The following AK8 variants were observed in gnomAD, a reference collection of about 807,000 sequenced individuals.
AK8 encodes the protein adenylate kinase 8.
A neutral mutation model predicts 54.6 loss-of-function variants in AK8; 44 were observed. That is an observed-to-expected ratio of 0.81 (90% confidence interval 0.63 to 1.04). AK8 has a LOEUF of 1.04. Among genes scored for constraint, AK8 ranks in the 50% least tolerant of loss-of-function variants. The pLI is 0.00. For synonymous variants in AK8, 239 were observed against 245.6 expected (o/e 0.97, Z 0.25); for missense variants, 555 against 613.6 (o/e 0.90, Z 1.01).
intron 5 of AK8, among the ~76,000 whole-genome samples, chr9:132,835,794 C>T (rs1035555894): frequency 2.6e-5 from 4 of 152,118 alleles, no homozygotes; most frequent in Non-Finnish European, 4.4e-5. Flanking sequence ...TCTAGACCAG[C>T]CTGGACAACA....
At position 132,812,864 on chromosome 9, in the gene AK8, C is replaced by A. The variant is rs199609649; in HGVS notation, c.979+1774G>T. On this transcript the variant is annotated intron_variant, in intron 10 of 12. Transcript: ENST00000298545. Reference sequence around the variant, plus strand: ...CCACCGCAGACACCCAGGACCAGACCCACTCACTGCCCTGAGCCTACACAG... The same window carrying A: ...CCACCGCAGACACCCAGGACCAGACACACTCACTGCCCTGAGCCTACACAG... Among the ~76,000 whole-genome samples, 6 of 151,114 alleles carry A rather than the reference C, an allele frequency of 4.0e-5. No homozygotes were observed. The East Asian group carries it at 1.2e-3, about 30-fold the overall frequency.
chr9:132,771,603 G>A (rs1285650219), intron 11 of AK8, among the ~76,000 whole-genome samples: 2 of 152,202 alleles, frequency 1.3e-5, no homozygotes, highest in Non-Finnish European at 2.9e-5. Context: ...ATGAAGGTAA[G>A]CTGGAGAGTA....
intron 5 of AK8, among the ~76,000 whole-genome samples, chr9:132,836,867 G>A (rs995995712): frequency 1.3e-5 from 2 of 152,214 alleles, no homozygotes; most frequent in Non-Finnish European, 2.9e-5. Context: ...GATGATAATA[G>A]TACCTACACT....
intron 10 of AK8, among the ~76,000 whole-genome samples, chr9:132,798,493 T>C (rs1487985354): frequency 6.6e-6 from 1 of 152,144 alleles, no homozygotes; most frequent in Non-Finnish European, 1.5e-5. Context: ...GATTTTTCAG[T>C]GCGGTCTAAA....
At position 132,838,600 on chromosome 9, in the gene AK8, T is replaced by C. The variant is rs138176184; in HGVS notation, c.403-9874A>G. The stretch of plus-strand genomic sequence containing the variant: ...TACTGTAGCTCCAGGAGGAAGATTA[T>C]GCAGAAGCAGACATTTTGAACCTGA... On this transcript the variant is annotated intron_variant, in intron 5 of 12. Coordinates refer to ENST00000298545, the MANE Select transcript of AK8 (RefSeq NM_152572.3). 6.2e-3 allele frequency among the ~76,000 whole-genome samples: 939 copies of C among 152,330 alleles called. 3 individuals carry two copies. The highest frequency in any genetic ancestry group is 0.018 in the African/African-American group (748 of 41,574).
At chr9:132,858,866 G>A (rs756236987) in intron 4 of AK8, among the ~76,000 whole-genome samples, 7 of 152,172 alleles carry the variant, frequency 4.6e-5, no homozygotes, top group Admixed American at 6.5e-5. Flanking sequence ...CCAGACAGGC[G>A]CACGGAAGGA....
rs946758982 is a variant in AK8 at position 132,810,480 on chromosome 9, C to T, written c.979+4158G>A. ...TTAAGCCGGCTCTGTACAAAGTTGA[C>T]GTGCTTTGATTCAAGCAAATTCATT... is the stretch of plus-strand genomic sequence containing the variant. On this transcript the variant is annotated intron_variant, in intron 10 of 12. Transcript: ENST00000298545. 5.9e-5 allele frequency among the ~76,000 whole-genome samples: 9 copies of T among 152,256 alleles called. 1 individual carries two copies. The highest frequency in any genetic ancestry group is 1.9e-4 in the East Asian group (1 of 5,182).
At chr9:132,847,560 C>T (rs1353920277) in intron 5 of AK8, among the ~76,000 whole-genome samples, 1 of 152,182 alleles carries the variant, frequency 6.6e-6, no homozygotes, top group Non-Finnish European at 1.5e-5. Flanking sequence ...CAGCCCCCAC[C>T]CCTGCTGAGG....
At chr9:132,737,294 C>A (rs562920694) in intron 11 of AK8, among the ~76,000 whole-genome samples, 12 of 152,182 alleles carry the variant, frequency 7.9e-5, no homozygotes, top group African/African-American at 2.4e-4. Context: ...ATGGACAAAA[C>A]AATGAACCAT....
chr9:132,868,230 A>T lies in AK8; in HGVS notation c.170-1277T>A, dbSNP rs550271047. On this transcript the variant is annotated intron_variant, in intron 2 of 12. Coordinates refer to ENST00000298545, the MANE Select transcript of AK8 (RefSeq NM_152572.3). ...TATCTTCTAGTTTGGAGGCAGACAG[A>T]GAAAAGGAACTAGACATCGTCCTTT... Among the ~76,000 whole-genome samples, 61 of 152,354 alleles carry T rather than the reference A, an allele frequency of 4.0e-4. 1 individual carries two copies. The South Asian group carries it at 6.0e-3, about 15-fold the overall frequency.
intron 5 of AK8, among the ~76,000 whole-genome samples, chr9:132,841,695 A>G (rs1472682588): frequency 1.3e-5 from 2 of 152,138 alleles, no homozygotes; most frequent in African/African-American, 2.4e-5. Context: ...CCCTTTTCAT[A>G]AGAGGTTTTT....
intron 5 of AK8, among the ~76,000 whole-genome samples, chr9:132,832,745 TCTCA>T (rs1235290565): frequency 6.6e-6 from 1 of 152,202 alleles, no homozygotes; most frequent in East Asian, 1.9e-4. Flanking sequence ...GGGGAACAGC[TCTCA>T]CTGACTTTTC....
chr9:132,863,429 CCCGTGAT>C (rs1169243221), intron 4 of AK8, among the ~76,000 whole-genome samples: 1 of 152,258 alleles, frequency 6.6e-6, no homozygotes, highest in Non-Finnish European at 1.5e-5. Flanking sequence ...CTTCACTCGA[CCCGTGAT>C]CCTTTCCCAC....
intron 2 of AK8, among the ~76,000 whole-genome samples, chr9:132,872,571 T>C (rs2131443585): frequency 6.6e-6 from 1 of 152,154 alleles, no homozygotes; most frequent in Middle Eastern, 3.4e-3. Context: ...CCTCAAGCGA[T>C]CCTCCTGTCT....
intron 5 of AK8, among the ~76,000 whole-genome samples, chr9:132,840,671 T>C (rs1162948160): frequency 6.6e-6 from 1 of 152,220 alleles, no homozygotes; most frequent in East Asian, 1.9e-4. Flanking sequence ...GGCAGGTGGA[T>C]CACCTGAAGT....
intron 11 of AK8, among the ~76,000 whole-genome samples, chr9:132,772,947 C>A (rs1223661343): frequency 6.6e-6 from 1 of 152,224 alleles, no homozygotes; most frequent in Non-Finnish European, 1.5e-5. Flanking sequence ...GGCCTCCCAG[C>A]TGCTACCTTG....
intron 5 of AK8, among the ~76,000 whole-genome samples, chr9:132,854,300 G>A (rs557668300): frequency 5.3e-5 from 8 of 152,274 alleles, no homozygotes; most frequent in African/African-American, 1.4e-4. Context: ...CACATGAATC[G>A]GTGTGCAAAG....
chr9:132,777,695 G>A (rs1839283319), intron 11 of AK8, among the ~76,000 whole-genome samples: 1 of 152,218 alleles, frequency 6.6e-6, no homozygotes, highest in African/African-American at 2.4e-5. Context: ...GTAGCCGCCT[G>A]TAGACAACTT....
intron 9 of AK8, among the ~76,000 whole-genome samples, chr9:132,817,987 T>C (rs568795802): frequency 1.3e-5 from 2 of 152,294 alleles, no homozygotes; most frequent in African/African-American, 4.8e-5. Flanking sequence ...GTGCTTCACA[T>C]GCAGGGCAAC....
Sources: gnomAD v4.1 joint callset for allele counts (sites outside exome capture counted in the v4.1 genomes callset) on GRCh38, gnomAD v4.1.1 for gene constraint, MANE v1.5 for transcripts, NCBI Gene and HGNC (gene_info 2026-07-23, HGNC 2026-07-21) for gene names.